Variants in DYNLT4 observed in about 807,000 individuals in gnomAD.
DYNLT4 encodes dynein light chain Tctex-type 4, also known as Tctex1 domain containing 4.
In DYNLT4, 3 loss-of-function variants were observed where a neutral mutation model predicts 1.5. The observed-to-expected ratio is 1.97, with a 90% CI of 0.90 to 5.08. DYNLT4 has a LOEUF of 5.08. DYNLT4 is among the 30% of genes most tolerant of loss of function. The pLI is 0.02. For missense variants in DYNLT4, 346 were observed against 341.0 expected, an observed-to-expected ratio of 1.01 and a Z score of -0.12; for synonymous variants, 181 against 160.0, an observed-to-expected ratio of 1.13 and a Z score of -0.99.
At position 44,806,235 on chromosome 1, in the gene DYNLT4, G is replaced by A. The variant is rs370513466; in HGVS notation, c.434C>T (p.Ala145Val). 2.5e-5 allele frequency: 39 copies of A among 1,531,672 alleles called. No individual in the cohort carries two copies. Among genetic ancestry groups the A allele is most frequent in the Non-Finnish European group, 6.1e-6 (7 of 1,142,632 alleles). The allele number at this position is 1,531,672 out of a possible 1,614,324, so 94.9% of individuals were successfully genotyped here. Residue 145 changes from alanine (A) to valine (V), a missense_variant, in exon 3 of 3, where the codon GCC (alanine) becomes GTC (valine). Ala to Val is a moderately conservative substitution (Grantham distance 64). Coordinates refer to ENST00000339355, the MANE Select transcript of DYNLT4 (RefSeq NM_001377534.1). Reference protein sequence around the residue: ...LHDACYSSDEAARLVRELCEQ... With the variant: ...LHDACYSSDEVARLVRELCEQ... Reference sequence around the variant, plus strand: ...GCAGAGCTCCCGCACCAGCCGCGCGGCCTCGTCGCTGGAGTAGCACGCGTC... The same window carrying A: ...GCAGAGCTCCCGCACCAGCCGCGCGACCTCGTCGCTGGAGTAGCACGCGTC...
chr1:44,806,578 A>G lies in DYNLT4; in HGVS notation c.91T>C (p.Cys31Arg). 1.3e-6 allele frequency: 2 copies of G among 1,501,454 alleles called. No individual in the cohort carries two copies. Among genetic ancestry groups the G allele is most frequent in the Admixed American group, 2.4e-5 (1 of 42,252 alleles). The allele number at this position is 1,501,454 out of a possible 1,614,324, so 93.0% of individuals were successfully genotyped here. A position where few individuals can be genotyped will look rare whatever the true frequency, so the allele number is the denominator to read the frequency against. The change falls in exon 3 of 3, where the codon TGC becomes CGC. Residue 31 changes from cysteine (C) to arginine (R), a missense_variant. By Grantham distance (180) the Cys-to-Arg change is radical. Coordinates refer to ENST00000339355, the MANE Select transcript of DYNLT4 (RefSeq NM_001377534.1). The stretch of plus-strand genomic sequence containing the variant: ...CGGGCCTCATCAATGCTGGGCAGGC[A>G]GCCTCGGGGCCGCACCGGTGAGGGT... ...RKPSPVRPRG[C>R]LPSIDEARPA... is the part of the protein sequence containing the mutation.
Position 44,806,408 on chromosome 1 carries a change from C to T in DYNLT4, c.261G>A (p.Leu87=). Reference sequence around the variant, plus strand: ...ACCCTGAGAAGCTGACCCTTGAGCCCAGAGGGGGCACCGGGCCCAGGGATG... The same window carrying T: ...ACCCTGAGAAGCTGACCCTTGAGCCTAGAGGGGGCACCGGGCCCAGGGATG... ...QRPSLGPVPP[L]GSRVSFSGLP... The change falls in exon 3 of 3, where the codon CTG becomes CTA. Residue 87 remains leucine, a synonymous_variant. Transcript: ENST00000339355. 6.6e-7 allele frequency: 1 copy of T among 1,521,548 alleles called. No individual in the cohort carries two copies. Among genetic ancestry groups the T allele is most frequent in the Non-Finnish European group, 8.8e-7 (1 of 1,140,720 alleles). The allele number at this position is 1,521,548 out of a possible 1,614,324, so 94.3% of individuals were successfully genotyped here.
At position 44,806,291 on chromosome 1, in the gene DYNLT4, G is replaced by C. The variant is rs757824221; in HGVS notation, c.378C>G (p.Ala126=). ...ERWEAARAQR[A]LEAALAAGLH... is the part of the protein sequence containing the mutation. ...GCCCTGCGGCCAGCGCCGCCTCCAGGGCACGCTGTGCACGCGCAGCCTCCC... is the reference window on the plus strand; with the variant it reads ...GCCCTGCGGCCAGCGCCGCCTCCAGCGCACGCTGTGCACGCGCAGCCTCCC... The change falls in exon 3 of 3, where the codon GCC becomes GCG. Residue 126 remains alanine, a synonymous_variant. Transcript: ENST00000339355. 2 of 1,481,398 alleles carry C rather than the reference G, an allele frequency of 1.4e-6. No homozygotes were observed. Among genetic ancestry groups the C allele is most frequent in the Admixed American group, 4.8e-5 (2 of 41,664 alleles). The allele number at this position is 1,481,398 out of a possible 1,614,324, so 91.8% of individuals were successfully genotyped here. A position where few individuals can be genotyped will look rare whatever the true frequency, so the allele number is the denominator to read the frequency against.
rs550414856 is a variant in DYNLT4 at position 44,806,094 on chromosome 1, C to T, written c.575G>A (p.Trp192Ter). The change falls in exon 3 of 3, where the codon TGG (tryptophan) becomes TAG (stop). Residue 192 changes from tryptophan to a stop codon, truncating the protein, a stop_gained. Coordinates refer to ENST00000339355, the MANE Select transcript of DYNLT4 (RefSeq NM_001377534.1). LOFTEE classifies it high-confidence loss of function. ...GGCCAGCCCATCGCGCGCCACGTCC[C>T]AGAGCGCACGGCTGACCACGTGAAC... is the stretch of plus-strand genomic sequence containing the variant. Reference protein sequence around the residue: ...QGVHVVSRALWDVARDGLASV... With the variant: ...QGVHVVSRAL The T allele has an allele frequency of 7.5e-6, 12 of 1,608,752 alleles. No individual in the cohort carries two copies. The East Asian group carries it at 2.0e-4, about 27-fold the overall frequency.
At position 44,806,698 on chromosome 1, in the gene DYNLT4, G is replaced by T. The variant is rs980819145; in HGVS notation, c.-11-19C>A. The T allele has an allele frequency of 7.0e-7, 1 of 1,435,018 alleles. No homozygotes were observed. The allele number at this position is 1,435,018 out of a possible 1,614,324, so 88.9% of individuals were successfully genotyped here. On this transcript the variant is annotated intron_variant, in intron 2 of 2. Coordinates refer to ENST00000339355, the MANE Select transcript of DYNLT4 (RefSeq NM_001377534.1). ...CTGCTGGCTGGAGGAACCACACTCAGGGTGGCCTTCACCAGGCATCTGTCT... is the reference window on the plus strand; with the variant it reads ...CTGCTGGCTGGAGGAACCACACTCATGGTGGCCTTCACCAGGCATCTGTCT...
chr1:44,807,025 C>T (rs577174705), intron 1 of DYNLT4, 187 bp from the exon 2 acceptor site: 1 of 985,404 alleles, frequency 1.0e-6, no homozygotes. Context: ...GAGAGGCAGG[C>T]CTCTGCCTCA....
Position 44,806,501 on chromosome 1 carries a change from G to A in DYNLT4, c.168C>T (p.Gly56=). ...TGCGGCGGGAGAAGGACGCGGCCAG[G>A]CCCAGCATGGAGCCCCGGCGCGAGG... The part of the protein sequence containing the change: ...APASRRGSML[G]LAASFSRRNS... Residue 56 remains glycine, a synonymous_variant, in exon 3 of 3, where the codon GGC becomes GGT. Coordinates refer to ENST00000339355, the MANE Select transcript of DYNLT4 (RefSeq NM_001377534.1). 3.3e-6 allele frequency: 5 copies of A among 1,507,524 alleles called. No homozygotes were observed. The highest frequency in any genetic ancestry group is 4.4e-6 in the Non-Finnish European group (5 of 1,134,938). 93.4% of individuals were successfully genotyped at this position (1,507,524 alleles called of 1,614,324 possible).
Position 44,806,506 on chromosome 1 carries a change from G to C in DYNLT4, c.163C>G (p.Leu55Val). ...PAPASRRGSM[L>V]GLAASFSRRN... ...CGGGAGAAGGACGCGGCCAGGCCCAGCATGGAGCCCCGGCGCGAGGCCGGG... is the reference window on the plus strand; with the variant it reads ...CGGGAGAAGGACGCGGCCAGGCCCACCATGGAGCCCCGGCGCGAGGCCGGG... The change falls in exon 3 of 3, where the codon CTG becomes GTG. Residue 55 changes from leucine to valine, a missense_variant. By Grantham distance (32) the Leu-to-Val change is conservative. Transcript: ENST00000339355. 6.6e-7 allele frequency: 1 copy of C among 1,507,310 alleles called. No individual in the cohort carries two copies. Among genetic ancestry groups the C allele is most frequent in the South Asian group, 1.2e-5 (1 of 80,776 alleles). The allele number at this position is 1,507,310 out of a possible 1,614,324, so 93.4% of individuals were successfully genotyped here.
At chr1:44,807,058 C>T (rs1367181627) in intron 1 of DYNLT4, 18 of 985,276 alleles carry the variant, frequency 1.8e-5, no homozygotes, top group South Asian at 9.4e-5. Context: ...GAGGCAGAGC[C>T]TCCAACCCCT....
chr1:44,806,299 G>A lies in DYNLT4; in HGVS notation c.370C>T (p.Gln124Ter). 1 of 1,480,578 alleles carries A rather than the reference G, an allele frequency of 6.8e-7. No homozygotes were observed. The highest frequency in any genetic ancestry group is 8.9e-7 in the Non-Finnish European group (1 of 1,122,026). 91.7% of individuals were successfully genotyped at this position (1,480,578 alleles called of 1,614,324 possible). A position where few individuals can be genotyped will look rare whatever the true frequency, so the allele number is the denominator to read the frequency against. Residue 124 changes from glutamine to a stop codon, truncating the protein, a stop_gained, in exon 3 of 3, where the codon CAG (glutamine) becomes TAG (stop). Coordinates refer to ENST00000339355, the MANE Select transcript of DYNLT4 (RefSeq NM_001377534.1). LOFTEE classifies it low-confidence loss of function (END_TRUNC). Reference protein sequence around the residue: ...PGERWEAARAQRALEAALAAG... With the variant: ...PGERWEAARA ...GCCAGCGCCGCCTCCAGGGCACGCT[G>A]TGCACGCGCAGCCTCCCAGCGCTCC... is the stretch of plus-strand genomic sequence containing the variant.
rs1317160949 is a variant in DYNLT4 at position 44,806,160 on chromosome 1, A to C, written c.509T>G (p.Leu170Arg). The change falls in exon 3 of 3, where the codon CTG becomes CGG. Residue 170 changes from leucine (L) to arginine (R), a missense_variant. By Grantham distance (102) the Leu-to-Arg change is moderately radical. Transcript: ENST00000339355. ...LRELSPPRYK[L>R]VCSVVLGPRA... ...CGGCCCCAGCACCACACTGCATACC[A>C]GCTTGTAGCGTGGCGGGCTGAGCTC... The C allele has an allele frequency of 1.3e-6, 2 of 1,584,092 alleles. No homozygotes were observed. The highest frequency in any genetic ancestry group is 1.7e-6 in the Non-Finnish European group (2 of 1,167,436).
Position 44,806,818 on chromosome 1 carries a change from G to T in DYNLT4, c.-46C>A. 7.5e-7 allele frequency: 1 copy of T among 1,331,702 alleles called. No homozygotes were observed. Among genetic ancestry groups the T allele is most frequent in the South Asian group, 2.1e-5 (1 of 47,480 alleles). 82.5% of individuals were successfully genotyped at this position (1,331,702 alleles called of 1,614,324 possible). On this transcript the variant is annotated 5_prime_UTR_variant, in exon 2 of 3. In the 5' UTR this introduces an upstream ATG that the reference lacks. Transcript: ENST00000339355. ...AGAACAAGTGGATCAGATAGTCCCA[G>T]GCTGCCTGGGTTCCTAGGTGCTGAG...
In DYNLT4 at chr1:44,806,209, C is replaced by T. The variant is rs377404405; in HGVS notation, c.460G>A (p.Glu154Lys). 1 of 1,541,646 alleles carries T rather than the reference C, an allele frequency of 6.5e-7. No individual in the cohort carries two copies. Among genetic ancestry groups the T allele is most frequent in the Non-Finnish European group, 8.7e-7 (1 of 1,147,466 alleles). The change falls in exon 3 of 3, where the codon GAG becomes AAG. Residue 154 changes from glutamate (E) to lysine (K), a missense_variant. By Grantham distance (56) the Glu-to-Lys change is moderately conservative. Coordinates refer to ENST00000339355, the MANE Select transcript of DYNLT4 (RefSeq NM_001377534.1). ...EAARLVRELC[E>K]QVHVRLRELS... Reference sequence around the variant, plus strand: ...TCGCGCAGGCGAACGTGCACCTGCTCGCAGAGCTCCCGCACCAGCCGCGCG... The same window carrying T: ...TCGCGCAGGCGAACGTGCACCTGCTTGCAGAGCTCCCGCACCAGCCGCGCG...
chr1:44,806,502 C>T lies in DYNLT4; in HGVS notation c.167G>A (p.Gly56Asp), dbSNP rs1481873138. The T allele has an allele frequency of 1.3e-6, 2 of 1,507,618 alleles. No homozygotes were observed. Among genetic ancestry groups the T allele is most frequent in the Admixed American group, 2.2e-5 (1 of 46,210 alleles). 93.4% of individuals were successfully genotyped at this position (1,507,618 alleles called of 1,614,324 possible). ...GCGGCGGGAGAAGGACGCGGCCAGG[C>T]CCAGCATGGAGCCCCGGCGCGAGGC... The part of the protein sequence containing the change: ...APASRRGSML[G>D]LAASFSRRNS... Residue 56 changes from glycine to aspartate, a missense_variant, in exon 3 of 3, where the codon GGC becomes GAC. By Grantham distance (94) the Gly-to-Asp change is moderately conservative. Coordinates refer to ENST00000339355, the MANE Select transcript of DYNLT4 (RefSeq NM_001377534.1).
chr1:44,806,537 A>AC lies in DYNLT4; in HGVS notation c.131dup (p.Pro45SerfsTer191). ...AGCCCCGGCGCGAGGCCGGGGCTGG[A>AC]CCTGGACCTGCCGGTCGGGCCTCAT... On this transcript the variant is annotated frameshift_variant, in exon 3 of 3. Transcript: ENST00000339355. LOFTEE classifies it low-confidence loss of function (END_TRUNC). 1 of 1,495,430 alleles carries AC rather than the reference A, an allele frequency of 6.7e-7. No individual in the cohort carries two copies. The highest frequency in any genetic ancestry group is 8.9e-7 in the Non-Finnish European group (1 of 1,128,174). The allele number at this position is 1,495,430 out of a possible 1,614,324, so 92.6% of individuals were successfully genotyped here.
Position 44,806,495 on chromosome 1 carries a change from G to C in DYNLT4, c.174C>G (p.Ala58=). The C allele has an allele frequency of 6.6e-7, 1 of 1,510,716 alleles. No individual in the cohort carries two copies. Among genetic ancestry groups the C allele is most frequent in the Non-Finnish European group, 8.8e-7 (1 of 1,136,258 alleles). 93.6% of individuals were successfully genotyped at this position (1,510,716 alleles called of 1,614,324 possible). A position where few individuals can be genotyped will look rare whatever the true frequency, so the allele number is the denominator to read the frequency against. The change falls in exon 3 of 3, where the codon GCC becomes GCG. Residue 58 remains alanine, a synonymous_variant. Coordinates refer to ENST00000339355, the MANE Select transcript of DYNLT4 (RefSeq NM_001377534.1). ...GCGAGTTGCGGCGGGAGAAGGACGC[G>C]GCCAGGCCCAGCATGGAGCCCCGGC... ...ASRRGSMLGL[A]ASFSRRNSLV...
chr1:44,807,081 C>T, intron 1 of DYNLT4: 3 of 985,424 alleles, frequency 3.0e-6, no homozygotes, highest in Non-Finnish European at 3.6e-6. Context: ...CCAGGAAGGA[C>T]TGACAGACTC....
chr1:44,806,074 G>C lies in DYNLT4; in HGVS notation c.595C>G (p.Leu199Val). The C allele has an allele frequency of 3.1e-6, 5 of 1,604,876 alleles. No individual in the cohort carries two copies. Among genetic ancestry groups the C allele is most frequent in the Non-Finnish European group, 4.3e-6 (5 of 1,175,316 alleles). The change falls in exon 3 of 3, where the codon CTG becomes GTG. Residue 199 changes from leucine to valine, a missense_variant. Transcript: ENST00000339355. ...GTGTTGGTGTAGGAGACCGAGGCCA[G>C]CCCATCGCGCGCCACGTCCCAGAGC... ...RALWDVARDG[L>V]ASVSYTNTSL...
In DYNLT4 at chr1:44,806,327, G is replaced by A. The variant is rs1388161722; in HGVS notation, c.342C>T (p.Pro114=). 6.7e-7 allele frequency: 1 copy of A among 1,492,172 alleles called. No individual in the cohort carries two copies. Among genetic ancestry groups the A allele is most frequent in the Admixed American group, 2.4e-5 (1 of 41,644 alleles). 92.4% of individuals were successfully genotyped at this position (1,492,172 alleles called of 1,614,324 possible). A position where few individuals can be genotyped will look rare whatever the true frequency, so the allele number is the denominator to read the frequency against. Reference sequence around the variant, plus strand: ...CACGCGCAGCCTCCCAGCGCTCCCCGGGCACTGGCTCCGTGCGGTAGGAGG... The same window carrying A: ...CACGCGCAGCCTCCCAGCGCTCCCCAGGCACTGGCTCCGTGCGGTAGGAGG... ...VAPSYRTEPV[P]GERWEAARAQ... The change falls in exon 3 of 3, where the codon CCC becomes CCT. Residue 114 remains proline (P), a synonymous_variant. Transcript: ENST00000339355.
Sources: gnomAD v4.1 joint callset for allele counts on GRCh38, gnomAD v4.1.1 for gene constraint, MANE v1.5 for transcripts, NCBI Gene and HGNC (gene_info 2026-07-23, HGNC 2026-07-21) for gene names.